The following APOL3 variants were observed in gnomAD, a reference collection of about 807,000 sequenced individuals.
APOL3 encodes apolipoprotein L3.
Under a neutral mutation model 11.6 loss-of-function variants are expected in APOL3, and 14 were observed. That is an observed-to-expected ratio of 1.21 (90% CI 0.80 to 1.89). The LOEUF is 1.89. Ranked by LOEUF, APOL3 falls within the 40% of genes most tolerant of loss-of-function variation. The pLI, the probability that APOL3 is intolerant of heterozygous loss-of-function variation, is 0.00. For synonymous variants in APOL3, 192 were observed against 190.6 expected (o/e 1.01, Z -0.06); for missense variants, 483 against 492.1 (o/e 0.98, Z 0.17).
At chr22:36,149,674 C>T (rs1032221918) in intron 1 of APOL3, 2 of 362,604 alleles carry the variant, frequency 5.5e-6, no homozygotes, top group East Asian at 1.5e-4. Flanking sequence ...CATGTTTTCA[C>T]AATAGGGGTA....
At chr22:36,160,552 G>T in intron 1 of APOL3, 117 bp downstream of exon 1, 1 of 1,071,922 alleles carries the variant, frequency 9.3e-7, no homozygotes, top group Non-Finnish European at 1.4e-6. Context: ...ACCGAGATGT[G>T]ACCTCAGTCA....
chr22:36,160,855 A>C, exon 1 of APOL3: 1 of 1,613,128 alleles, frequency 6.2e-7, no homozygotes. Flanking sequence ...CATGCAAAAC[A>C]GGATGCTTCC....
chr22:36,160,178 C>A (rs568733269), intron 1 of APOL3, among the ~76,000 whole-genome samples: 1 of 152,252 alleles, frequency 6.6e-6, no homozygotes, highest in African/African-American at 2.4e-5. Flanking sequence ...CCACCGCGCC[C>A]AGCCAGGTTC....
Position 36,150,500 on chromosome 22 carries a change from GGT to G in APOL3, c.224-4903_224-4902del, listed in dbSNP as rs1210715088. On this transcript the variant is annotated intron_variant, in intron 1 of 2. Transcript: ENST00000349314. ...TTGCCCAATCTCAGAAATCTACTAA[GGT>G]GTAAAGACTGGGTTCCCACCCAACC... Among the ~76,000 whole-genome samples the G allele has an allele frequency of 3.3e-5, 5 of 152,298 alleles. No individual in the cohort carries two copies. In the South Asian group the frequency reaches 1.0e-3, roughly 32 times the overall value.
exon 3 of APOL3, chr22:36,140,905 A>T: frequency 3.0e-6 from 1 of 336,412 alleles, no homozygotes; most frequent in Admixed American, 4.5e-5. Flanking sequence ...CCTCCCCTCT[A>T]TTCCTCCCCC....
At chr22:36,158,612 G>A (rs916572106) in intron 1 of APOL3, among the ~76,000 whole-genome samples, 1 of 152,174 alleles carries the variant, frequency 6.6e-6, no homozygotes. Context: ...AAGGTCAGGA[G>A]ATCGAGAACA....
chr22:36,160,638 G>C (rs372581545), intron 1 of APOL3, 31 bp downstream of exon 1: 1 of 1,604,118 alleles, frequency 6.2e-7, no homozygotes, highest in Non-Finnish European at 8.5e-7. Flanking sequence ...AGGATGGGGA[G>C]ATGGGGAAGG....
intron 1 of APOL3, among the ~76,000 whole-genome samples, chr22:36,160,200 A>G (rs779047837): frequency 1.1e-4 from 16 of 152,108 alleles, no homozygotes; most frequent in African/African-American, 3.4e-4. Flanking sequence ...TTGTATCTCA[A>G]AGGAAATCCT....
At chr22:36,159,624 G>C (rs1181285516) in intron 1 of APOL3, 1 of 152,176 alleles carries the variant, frequency 6.6e-6, no homozygotes, top group African/African-American at 2.4e-5. Context: ...CCCCTGTCTG[G>C]GCCATCTTTC....
chr22:36,157,441 CA>C (rs2013082075), intron 1 of APOL3, among the ~76,000 whole-genome samples: 1 of 152,116 alleles, frequency 6.6e-6, no homozygotes, highest in Admixed American at 6.5e-5. Context: ...AATTCTTCTC[CA>C]AAAATAAGTA....
intron 1 of APOL3, among the ~76,000 whole-genome samples, chr22:36,158,895 C>T (rs556939289): frequency 2.0e-5 from 3 of 152,036 alleles, no homozygotes; most frequent in African/African-American, 7.3e-5. Context: ...AAAGACCCTT[C>T]GAGGCCACGA....
exon 3 of APOL3, chr22:36,140,576 G>A (rs978844076): frequency 6.6e-6 from 1 of 152,406 alleles, no homozygotes; most frequent in African/African-American, 2.4e-5. Context: ...GGCCTTCAGG[G>A]TTCAAGCAGG....
At chr22:36,145,502 C>G (rs2060162773) in exon 2 of APOL3, 1 of 1,614,074 alleles carries the variant, frequency 6.2e-7, no homozygotes, top group East Asian at 2.2e-5. Context: ...TCACGAATCT[C>G]TTCCAGGCTT....
chr22:36,152,967 C>T (rs994288802), intron 1 of APOL3, among the ~76,000 whole-genome samples: 1 of 152,020 alleles, frequency 6.6e-6, no homozygotes, highest in African/African-American at 2.4e-5. Flanking sequence ...AAAAATTAGC[C>T]GGGCATGGTG....
chr22:36,162,866 T>G (rs1363731410), upstream of APOL3, among the ~76,000 whole-genome samples: 3 of 152,244 alleles, frequency 2.0e-5, no homozygotes, highest in Non-Finnish European at 4.4e-5. Context: ...TGCTTGATTT[T>G]AGCTTGGGGA....
intron 1 of APOL3, chr22:36,153,465 G>A (rs1397429539): frequency 2.2e-6 from 1 of 454,562 alleles, no homozygotes; most frequent in East Asian, 7.0e-5. Flanking sequence ...ATGTTAAACT[G>A]TTAATATTAA....
chr22:36,149,907 AGTGATG>A, intron 1 of APOL3: 1 of 456,188 alleles, frequency 2.2e-6, no homozygotes, highest in South Asian at 1.5e-5. Context: ...CCTGGCTGCA[AGTGATG>A]CTTCTGCTTC....
At chr22:36,162,015 C>G (rs541517556), upstream of APOL3, among the ~76,000 whole-genome samples, 1 of 152,262 alleles carries the variant, frequency 6.6e-6, no homozygotes, top group Non-Finnish European at 1.5e-5. Flanking sequence ...CTTCTGGCGG[C>G]GGGTGCAGTG....
chr22:36,143,163 C>T (rs1462420466), intron 2 of APOL3, among the ~76,000 whole-genome samples: 1 of 152,220 alleles, frequency 6.6e-6, no homozygotes, highest in Non-Finnish European at 1.5e-5. Context: ...GCTTCCTGAT[C>T]TAATGTGATT....
Sources: allele counts gnomAD v4.1 joint callset (sites outside exome capture counted in the v4.1 genomes callset), GRCh38; gene constraint gnomAD v4.1.1; transcripts MANE v1.5; gene names NCBI Gene and HGNC (gene_info 2026-07-23, HGNC 2026-07-21).